Variants in NUDT3 observed in about 807,000 individuals in gnomAD.
NUDT3 encodes nudix hydrolase 3.
NUDT3 carries 9 observed loss-of-function variants against 23.6 expected under a neutral mutation model. That is an observed-to-expected ratio of 0.38 (90% CI 0.23 to 0.66). The LOEUF is 0.66. Ranked by LOEUF, NUDT3 falls within the 30% of genes least tolerant of loss-of-function variation. The pLI, the probability that NUDT3 is intolerant of heterozygous loss-of-function variation, is 0.52. For synonymous variants in NUDT3, 86 were observed against 82.6 expected (o/e 1.04, Z -0.22); for missense variants, 172 against 218.5 (o/e 0.79, Z 1.34).
chr6:34,378,079 G>T (rs1329826091), intron 1 of NUDT3, among the ~76,000 whole-genome samples: 1 of 152,016 alleles, frequency 6.6e-6, no homozygotes, highest in African/African-American at 2.4e-5. Flanking sequence ...GATCTAGGCA[G>T]GAAGACTGCT....
At chr6:34,377,184 A>G (rs956259384) in intron 1 of NUDT3, among the ~76,000 whole-genome samples, 1 of 152,194 alleles carries the variant, frequency 6.6e-6, no homozygotes. Context: ...CCCAAGGCAC[A>G]TAATGCAGCC....
rs181907729 is a variant in NUDT3, at chr6:34,287,584, A to G, written c.*1169T>C. On this transcript the variant is annotated 3_prime_UTR_variant, in exon 5 of 5. Transcript: ENST00000607016. Reference sequence around the variant, plus strand: ...ACAAGTGCCATGCCAATACAAAGACAAGCAAGCAGGTGAATTTCCCTAGTG... The same window carrying G: ...ACAAGTGCCATGCCAATACAAAGACGAGCAAGCAGGTGAATTTCCCTAGTG... 1.3e-5 allele frequency: 2 copies of G among 152,338 alleles called. No individual in the cohort carries two copies. The highest frequency in any genetic ancestry group is 1.3e-4 in the Admixed American group (2 of 15,298). The allele number at this position is 152,338 out of a possible 1,614,324, so 9.4% of individuals were successfully genotyped here.
rs1353479706 is a variant in NUDT3 at position 34,342,018 on chromosome 6, C to T, written c.100-46G>A. 2.6e-6 allele frequency: 4 copies of T among 1,544,122 alleles called. No individual in the cohort carries two copies. In the African/African-American group the frequency reaches 5.4e-5, roughly 21 times the overall value. On this transcript the variant is annotated intron_variant, in intron 1 of 4. Transcript: ENST00000607016. ...CATGGGGGGGTTAAAAATTCAAAGA[C>T]ACATCCACACAAATTCAGAGTTTAA...
At chr6:34,311,458 T>C (rs954423962) in intron 2 of NUDT3, among the ~76,000 whole-genome samples, 13 of 152,238 alleles carry the variant, frequency 8.5e-5, no homozygotes, top group African/African-American at 3.1e-4. Context: ...CAACAATCCA[T>C]GTTAATGAAT....
chr6:34,288,671 A>C lies in NUDT3; in HGVS notation c.*82T>G. ...TATTTGAAAGAGGAGGCCTGTGAGA[A>C]GTGGAAAGAGCCAGGGTGAGAGGGA... On this transcript the variant is annotated 3_prime_UTR_variant, in exon 5 of 5. Transcript: ENST00000607016. 1 of 1,510,488 alleles carries C rather than the reference A, an allele frequency of 6.6e-7. No homozygotes were observed. The highest frequency in any genetic ancestry group is 8.9e-7 in the Non-Finnish European group (1 of 1,129,326). The allele number at this position is 1,510,488 out of a possible 1,614,324, so 93.6% of individuals were successfully genotyped here.
intron 1 of NUDT3, among the ~76,000 whole-genome samples, chr6:34,361,851 G>A (rs1449768551): frequency 6.6e-6 from 1 of 152,208 alleles, no homozygotes; most frequent in Non-Finnish European, 1.5e-5. Flanking sequence ...TGTTAGGGGT[G>A]AGCAGAGAGG....
chr6:34,331,062 C>A (rs1186962612), intron 2 of NUDT3, among the ~76,000 whole-genome samples: 1 of 152,134 alleles, frequency 6.6e-6, no homozygotes, highest in Non-Finnish European at 1.5e-5. Flanking sequence ...ACCATATTGG[C>A]CAGGCTAGTC....
chr6:34,347,362 G>GT (rs1318490951), intron 1 of NUDT3, among the ~76,000 whole-genome samples: 1 of 152,196 alleles, frequency 6.6e-6, no homozygotes, highest in Non-Finnish European at 1.5e-5. Flanking sequence ...AGCTGACCAG[G>GT]TATCAGACCT....
intron 2 of NUDT3, 54 bp downstream of exon 2, chr6:34,341,807 TA>T: frequency 6.6e-7 from 1 of 1,519,076 alleles, no homozygotes; most frequent in Non-Finnish European, 9.1e-7. Context: ...ACTACACAGA[TA>T]GGACAGGTTC....
At chr6:34,391,449 C>A (rs1312807419) in intron 1 of NUDT3, among the ~76,000 whole-genome samples, 1 of 152,068 alleles carries the variant, frequency 6.6e-6, no homozygotes, top group Non-Finnish European at 1.5e-5. Flanking sequence ...CTTTGGGAAG[C>A]CGAGATTTTT....
At chr6:34,366,503 G>A (rs956279761) in intron 1 of NUDT3, among the ~76,000 whole-genome samples, 4 of 136,512 alleles carry the variant, frequency 2.9e-5, no homozygotes, top group Non-Finnish European at 6.4e-5. Context: ...GAGGGAGGGA[G>A]GGAGGGAGGG....
intron 1 of NUDT3, among the ~76,000 whole-genome samples, chr6:34,366,005 C>T (rs1412637913): frequency 6.6e-6 from 1 of 152,114 alleles, no homozygotes; most frequent in Non-Finnish European, 1.5e-5. Flanking sequence ...TGCGCCACTG[C>T]ACTCTAGCCT....
intron 2 of NUDT3, 77 bp downstream of exon 2, chr6:34,341,785 A>T: frequency 7.7e-7 from 1 of 1,304,804 alleles, no homozygotes; most frequent in South Asian, 1.4e-5. Context: ...GTGAGTGCTG[A>T]CATATTAAAG....
At chr6:34,377,662 G>A (rs887870015) in intron 1 of NUDT3, among the ~76,000 whole-genome samples, 5 of 151,746 alleles carry the variant, frequency 3.3e-5, no homozygotes, top group African/African-American at 1.2e-4. Context: ...GGTGAAACCC[G>A]TTGCTACTGA....
chr6:34,283,874 T>A lies in NUDT3; in HGVS notation c.*4879A>T, dbSNP rs1298238985. 6.6e-6 allele frequency: 1 copy of A among 152,196 alleles called. No individual in the cohort carries two copies. Among genetic ancestry groups the A allele is most frequent in the Non-Finnish European group, 1.5e-5 (1 of 68,044 alleles). The allele number at this position is 152,196 out of a possible 1,614,324, so 9.4% of individuals were successfully genotyped here. On this transcript the variant is annotated 3_prime_UTR_variant, in exon 5 of 5. Coordinates refer to ENST00000607016, the MANE Select transcript of NUDT3 (RefSeq NM_006703.4). The stretch of plus-strand genomic sequence containing the variant: ...AAATATCAAATGTTTCATTTTTAGG[T>A]GATATCCCAAGTGACACAGAAACAC...
intron 1 of NUDT3, among the ~76,000 whole-genome samples, chr6:34,356,040 G>A (rs1330623105): frequency 3.9e-5 from 6 of 152,132 alleles, no homozygotes; most frequent in Non-Finnish European, 8.8e-5. Context: ...CATGACAGGA[G>A]CCACGAAGGG....
rs1763319733 is a variant in NUDT3, at chr6:34,285,214, G to A, written c.*3539C>T. ...TTCCATCCTGTTATATTTGCTGTGA[G>A]GAAAATTAAGATTCCTGTTGTATGG... On this transcript the variant is annotated 3_prime_UTR_variant, in exon 5 of 5. Transcript: ENST00000607016. 1 of 152,298 alleles carries A rather than the reference G, an allele frequency of 6.6e-6. No individual in the cohort carries two copies. The allele number at this position is 152,298 out of a possible 1,614,324, so 9.4% of individuals were successfully genotyped here.
chr6:34,305,480 T>C (rs1763666521), intron 2 of NUDT3, among the ~76,000 whole-genome samples: 1 of 152,260 alleles, frequency 6.6e-6, no homozygotes, highest in Non-Finnish European at 1.5e-5. Flanking sequence ...AGTTTATCTA[T>C]TTTATTAGAC....
intron 1 of NUDT3, among the ~76,000 whole-genome samples, chr6:34,351,515 G>C (rs1764476068): frequency 6.7e-6 from 1 of 149,542 alleles, no homozygotes; most frequent in Non-Finnish European, 1.5e-5. Flanking sequence ...GCCAAGGCGG[G>C]CATGTCACCT....
Sources: gnomAD v4.1 joint callset for allele counts (sites outside exome capture counted in the v4.1 genomes callset) on GRCh38, gnomAD v4.1.1 for gene constraint, MANE v1.5 for transcripts, NCBI Gene and HGNC (gene_info 2026-07-23, HGNC 2026-07-21) for gene names.